LPP: variants seen among roughly 807,000 people sequenced by gnomAD.
The protein encoded by LPP is lipoma-preferred partner.
Under a neutral mutation model 60.4 loss-of-function variants are expected in LPP, and 38 were observed. The observed-to-expected ratio is 0.63, with a 90% CI of 0.49 to 0.83. LPP has a LOEUF of 0.83. Among genes scored for constraint, LPP ranks in the 40% least tolerant of loss-of-function variants. The pLI is 0.00. For missense variants in LPP, 902 were observed against 783.6 expected (o/e 1.15, Z -1.80); for synonymous variants, 328 against 290.8 (o/e 1.13, Z -1.30).
chr3:188,862,723 A>G (rs1180591518), intron 9 of LPP, among the ~76,000 whole-genome samples: 1 of 106,002 alleles, frequency 9.4e-6, no homozygotes, highest in Non-Finnish European at 2.1e-5. Flanking sequence ...AAAAAAATAA[A>G]TAAATAAATA....
chr3:188,746,359 C>A, intron 8 of LPP: 1 of 430,666 alleles, frequency 2.3e-6, no homozygotes, highest in Non-Finnish European at 4.7e-6. Context: ...GGCAGAAAAA[C>A]ACGCTGAATA....
intron 6 of LPP, among the ~76,000 whole-genome samples, chr3:188,573,533 C>A (rs1056288428): frequency 6.6e-6 from 1 of 152,082 alleles, no homozygotes; most frequent in Non-Finnish European, 1.5e-5. Context: ...CCCAGCGTTT[C>A]GGTAGATACT....
intron 3 of LPP, among the ~76,000 whole-genome samples, chr3:188,397,376 T>C (rs1463875995): frequency 6.6e-6 from 1 of 152,204 alleles, no homozygotes; most frequent in African/African-American, 2.4e-5. Flanking sequence ...TTTTAGCTCT[T>C]AAGTAGTCTG....
intron 2 of LPP, among the ~76,000 whole-genome samples, chr3:188,240,443 A>C (rs1723897345): frequency 6.6e-6 from 1 of 151,968 alleles, no homozygotes; most frequent in East Asian, 1.9e-4. Flanking sequence ...AGATTGTTTG[A>C]CAGTAGCAAC....
At chr3:188,592,557 G>GTTTGTTTGTTTTTTTTTTTTTTTTT (rs1260656926) in intron 6 of LPP, among the ~76,000 whole-genome samples, 2 of 85,752 alleles carry the variant, frequency 2.3e-5, no homozygotes, top group African/African-American at 9.0e-5. Flanking sequence ...TTTTGTTTTT[G>GTTTGTTTGTTTTTTTTTTTTTTTTT]TTTTTTAAAT....
Position 188,203,409 on chromosome 3 carries a change from AAT to A in LPP, c.-189-21986_-189-21985del, listed in dbSNP as rs1439333749. ...TTATATATTAATATATATTTTTATA[AAT>A]ATATATATAATATAAATATAAATAT... On this transcript the variant is annotated intron_variant, in intron 1 of 11. Transcript: ENST00000617246. Among the ~76,000 whole-genome samples the A allele has an allele frequency of 2.6e-3, 137 of 53,216 alleles. 1 individual carries two copies. The highest frequency in any genetic ancestry group is 5.7e-3 in the African/African-American group (109 of 19,180). 34.9% of individuals were successfully genotyped at this position (53,216 alleles called of 152,430 possible). A position where few individuals can be genotyped will look rare whatever the true frequency, so the allele number is the denominator to read the frequency against.
chr3:188,332,332 T>TTAAC, intron 2 of LPP, among the ~76,000 whole-genome samples: 1 of 152,354 alleles, frequency 6.6e-6, no homozygotes, highest in Non-Finnish European at 1.5e-5. Context: ...TGCATGTCAC[T>TTAAC]TAACTCCTCG....
rs1553817843 is a variant in LPP at position 188,731,531 on chromosome 3, G to GTTT, written c.1240+23140_1240+23142dup. 5.9e-4 allele frequency among the ~76,000 whole-genome samples: 89 copies of GTTT among 151,682 alleles called. 1 individual carries two copies. The highest frequency in any genetic ancestry group is 1.1e-3 in the Admixed American group (16 of 15,220). The stretch of plus-strand genomic sequence containing the variant: ...TTTTTTGTTTTTTTTGTTTTGTTTT[G>GTTT]TTTTGTTTTGAGATGGAGTCTCACT... On this transcript the variant is annotated intron_variant, in intron 8 of 11. Transcript: ENST00000617246.
In LPP at chr3:188,366,263, T is replaced by A. The variant is rs144138217; in HGVS notation, c.-10+24544T>A. Among the ~76,000 whole-genome samples the A allele has an allele frequency of 5.9e-5, 9 of 152,352 alleles. No individual in the cohort carries two copies. The East Asian group carries it at 1.7e-3, about 29-fold the overall frequency. On this transcript the variant is annotated intron_variant, in intron 3 of 11. Coordinates refer to ENST00000617246, the MANE Select transcript of LPP (RefSeq NM_001375462.1). ...ACATTCCACGTGGTAATACACCGCATTTTCTTTATTCACTCTTCAAATGAT... is the reference window on the plus strand; with the variant it reads ...ACATTCCACGTGGTAATACACCGCAATTTCTTTATTCACTCTTCAAATGAT...
intron 2 of LPP, among the ~76,000 whole-genome samples, chr3:188,339,133 A>G (rs1427546647): frequency 1.3e-5 from 2 of 152,180 alleles, no homozygotes; most frequent in East Asian, 3.9e-4. Context: ...TTGACAAAGG[A>G]TGCAGACATG....
Position 188,509,624 on chromosome 3 carries a change from CCCTT to C in LPP, c.307-14981_307-14978del, listed in dbSNP as rs1166656652. Among the ~76,000 whole-genome samples the C allele has an allele frequency of 8.4e-4, 98 of 116,874 alleles. 4 individuals carry two copies. The highest frequency in any genetic ancestry group is 2.9e-3 in the African/African-American group (85 of 29,196). 76.7% of individuals were successfully genotyped at this position (116,874 alleles called of 152,430 possible). On this transcript the variant is annotated intron_variant, in intron 5 of 11. Coordinates refer to ENST00000617246, the MANE Select transcript of LPP (RefSeq NM_001375462.1). ...ATTCAACTTTTCATTTTTTTTTGTC[CCCTT>C]CCTTCCTTCCTTCCTTCCTTCCTTC... is the stretch of plus-strand genomic sequence containing the variant.
intron 8 of LPP, among the ~76,000 whole-genome samples, chr3:188,756,098 G>T (rs1317913877): frequency 6.6e-6 from 1 of 152,138 alleles, no homozygotes; most frequent in African/African-American, 2.4e-5. Context: ...TGAAAGGAAG[G>T]GTGATTAGGT....
chr3:188,353,835 T>G (rs1766700663), intron 3 of LPP, among the ~76,000 whole-genome samples: 1 of 152,190 alleles, frequency 6.6e-6, no homozygotes, highest in Non-Finnish European at 1.5e-5. Context: ...TAATTTGAAA[T>G]AAGCCTTGAA....
intron 1 of LPP, among the ~76,000 whole-genome samples, chr3:188,218,046 C>T (rs546968624): frequency 6.6e-6 from 1 of 152,042 alleles, no homozygotes; most frequent in South Asian, 2.1e-4. Flanking sequence ...GTTGTCTGTT[C>T]ATGCAGAGAT....
chr3:188,410,076 G>C (rs1033886165), intron 4 of LPP, among the ~76,000 whole-genome samples: 5 of 152,134 alleles, frequency 3.3e-5, no homozygotes, highest in Admixed American at 2.0e-4. Flanking sequence ...GTCTTCTCTA[G>C]CGGAGTCTGA....
In LPP at chr3:188,637,947, T is replaced by G. The variant is rs778257473; in HGVS notation, c.1113+28103T>G. Reference sequence around the variant, plus strand: ...TTCTACCAAAGGTACAAGGAGGAACTGGTACCATTCCTTCTGAAACTATTC... The same window carrying G: ...TTCTACCAAAGGTACAAGGAGGAACGGGTACCATTCCTTCTGAAACTATTC... On this transcript the variant is annotated intron_variant, in intron 7 of 11. Coordinates refer to ENST00000617246, the MANE Select transcript of LPP (RefSeq NM_001375462.1). 5.1e-3 allele frequency among the ~76,000 whole-genome samples: 768 copies of G among 149,884 alleles called. 2 individuals are homozygous for G. The highest frequency in any genetic ancestry group is 0.01 in the Middle Eastern group (3 of 288).
At chr3:188,809,117 A>C (rs547761333) in intron 9 of LPP, among the ~76,000 whole-genome samples, 1 of 152,150 alleles carries the variant, frequency 6.6e-6, no homozygotes, top group African/African-American at 2.4e-5. Flanking sequence ...TGTCTTTGCT[A>C]TTGAAAAATA....
chr3:188,416,002 C>T (rs1035778283), intron 4 of LPP, among the ~76,000 whole-genome samples: 2 of 151,788 alleles, frequency 1.3e-5, no homozygotes, highest in African/African-American at 2.4e-5. Flanking sequence ...GCTGGGTTTT[C>T]GAATGTATTA....
chr3:188,312,408 G>A (rs1487045483), intron 2 of LPP, among the ~76,000 whole-genome samples: 1 of 152,164 alleles, frequency 6.6e-6, no homozygotes, highest in African/African-American at 2.4e-5. Context: ...GACAGGAATT[G>A]TAATGCTTTA....
Sources: allele counts gnomAD v4.1 joint callset (sites outside exome capture counted in the v4.1 genomes callset), GRCh38; gene constraint gnomAD v4.1.1; transcripts MANE v1.5; gene names NCBI Gene and HGNC (gene_info 2026-07-23, HGNC 2026-07-21).